ACAD11: variants seen among roughly 807,000 people sequenced by gnomAD.
The protein encoded by ACAD11 is acyl-CoA dehydrogenase family member 11.
ACAD11 carries 83 observed loss-of-function variants against 102.2 expected under a neutral mutation model. The observed-to-expected ratio is 0.81, with a 90% CI of 0.68 to 0.97. The LOEUF (loss-of-function observed/expected upper bound fraction) is 0.97. Among genes scored for constraint, ACAD11 ranks in the 50% least tolerant of loss-of-function variants. The probability of loss-of-function intolerance (pLI) is 0.00; values close to 1 mark genes in which losing one functional copy is unlikely to be tolerated. For synonymous variants in ACAD11, 324 were observed against 319.8 expected (o/e 1.01, Z -0.14); for missense variants, 901 against 951.7 (o/e 0.95, Z 0.70).
chr3:132,611,444 G>A (rs911522345), intron 11 of ACAD11, among the ~76,000 whole-genome samples: 1 of 152,156 alleles, frequency 6.6e-6, no homozygotes, highest in Non-Finnish European at 1.5e-5. Context: ...GTTCCTGTTT[G>A]CAGATGACAT....
chr3:132,651,830 AC>A (rs536897544), intron 1 of ACAD11, among the ~76,000 whole-genome samples: 90 of 152,318 alleles, frequency 5.9e-4, no homozygotes, highest in African/African-American at 1.1e-3. Context: ...CTCATTTGGA[AC>A]AGGTATATTT....
At chr3:132,641,894 A>G in intron 4 of ACAD11, 78 bp downstream of exon 4, 1 of 1,338,920 alleles carries the variant, frequency 7.5e-7, no homozygotes, top group Non-Finnish European at 1.0e-6. Context: ...CTATACAATA[A>G]TAGCTTTTTT....
chr3:132,639,407 C>T (rs1034290798), intron 5 of ACAD11, 85 bp downstream of exon 5: 1 of 1,369,124 alleles, frequency 7.3e-7, no homozygotes, highest in African/African-American at 1.5e-5. Flanking sequence ...GGTTGGGCTC[C>T]CTCAGTGCTC....
intron 17 of ACAD11, among the ~76,000 whole-genome samples, chr3:132,563,661 G>C (rs113933070): frequency 6.6e-5 from 10 of 152,206 alleles, no homozygotes; most frequent in African/African-American, 2.4e-4. Flanking sequence ...AGTTCTGGGA[G>C]GGTTGTTTCG....
At chr3:132,625,196 A>C (rs183278848) in intron 9 of ACAD11, among the ~76,000 whole-genome samples, 19 of 152,274 alleles carry the variant, frequency 1.2e-4, no homozygotes, top group African/African-American at 3.4e-4. Flanking sequence ...CACTTGTGCT[A>C]CAGACTTCTT....
At chr3:132,656,402 A>G (rs1238844376) in intron 1 of ACAD11, among the ~76,000 whole-genome samples, 2 of 152,006 alleles carry the variant, frequency 1.3e-5, no homozygotes, top group Non-Finnish European at 2.9e-5. Flanking sequence ...TTTTTACAAG[A>G]TCATGTTGAG....
chr3:132,647,150 A>T (rs1186990759), intron 1 of ACAD11: 1 of 152,220 alleles, frequency 6.6e-6, no homozygotes, highest in Non-Finnish European at 1.5e-5. Flanking sequence ...AAGTATCTAA[A>T]GTGGTTATAA....
intron 11 of ACAD11, among the ~76,000 whole-genome samples, chr3:132,605,521 C>T (rs1239685690): frequency 1.3e-5 from 2 of 152,190 alleles, no homozygotes; most frequent in Admixed American, 6.5e-5. Context: ...CTAAACCTTG[C>T]CTGCTGTATT....
intron 9 of ACAD11, among the ~76,000 whole-genome samples, chr3:132,623,044 T>C (rs930126309): frequency 6.6e-6 from 1 of 152,220 alleles, no homozygotes; most frequent in African/African-American, 2.4e-5. Context: ...CATTTTAAAT[T>C]GGCTTAAACT....
chr3:132,622,512 G>T (rs1441998280), intron 9 of ACAD11, among the ~76,000 whole-genome samples: 1 of 152,092 alleles, frequency 6.6e-6, no homozygotes, highest in Non-Finnish European at 1.5e-5. Context: ...TCTGACCACA[G>T]TTTGAAGAAA....
chr3:132,650,524 C>T (rs1413083287), intron 1 of ACAD11: 1 of 152,090 alleles, frequency 6.6e-6, no homozygotes, highest in African/African-American at 2.4e-5. Flanking sequence ...ACTTGGGCTG[C>T]TATTTCATAT....
chr3:132,653,973 T>C (rs1937649164), intron 1 of ACAD11, among the ~76,000 whole-genome samples: 2 of 152,316 alleles, frequency 1.3e-5, no homozygotes, highest in African/African-American at 4.8e-5. Flanking sequence ...CCTCAAGACA[T>C]AACCAACTGC....
intron 14 of ACAD11, chr3:132,579,205 G>T: frequency 1.3e-6 from 1 of 740,868 alleles, no homozygotes; most frequent in Non-Finnish European, 2.0e-6. Flanking sequence ...TCATTACACA[G>T]GTCTGAAAAA....
chr3:132,610,816 C>G (rs976047167), intron 11 of ACAD11, among the ~76,000 whole-genome samples: 3 of 152,146 alleles, frequency 2.0e-5, no homozygotes, highest in Non-Finnish European at 4.4e-5. Flanking sequence ...TGGTACCATT[C>G]CTTCTGAAAC....
Position 132,575,770 on chromosome 3 carries a change from A to C in ACAD11, c.2001+2T>G, listed in dbSNP as rs1937513347. The C allele has an allele frequency of 6.2e-7, 1 of 1,613,898 alleles. No homozygotes were observed. Among genetic ancestry groups the C allele is most frequent in the Admixed American group, 1.7e-5 (1 of 59,992 alleles). On this transcript the variant is annotated splice_donor_variant, in intron 17 of 19. Transcript: ENST00000264990. LOFTEE classifies it high-confidence loss of function. Reference sequence around the variant, plus strand: ...TAAATTCAAATAAGTAATCGTCCTCACATGTGCATACAACTTCTTCTTGAA... The same window carrying C: ...TAAATTCAAATAAGTAATCGTCCTCCCATGTGCATACAACTTCTTCTTGAA...
intron 13 of ACAD11, among the ~76,000 whole-genome samples, chr3:132,596,402 C>A (rs763783890): frequency 1.3e-5 from 2 of 152,094 alleles, no homozygotes; most frequent in Non-Finnish European, 2.9e-5. Context: ...AACAAACTTG[C>A]ATGTGTACCC....
At position 132,603,306 on chromosome 3, in the gene ACAD11, T is replaced by C; in HGVS notation, c.1544A>G (p.Asp515Gly). Reference protein sequence around the residue: ...CMTEPDVASSDATNIECSIQR... With the variant: ...CMTEPDVASSGATNIECSIQR... ...GATGCTGCATTCAATATTCGTGGCA[T>C]CACTTGAAGCTACATCAGGTTCTAT... Residue 515 changes from aspartate (D) to glycine (G), a missense_variant, in exon 13 of 20, where the codon GAT becomes GGT. Coordinates refer to ENST00000264990, the MANE Select transcript of ACAD11 (RefSeq NM_032169.5). 1 of 1,614,022 alleles carries C rather than the reference T, an allele frequency of 6.2e-7. No individual in the cohort carries two copies. The highest frequency in any genetic ancestry group is 8.5e-7 in the Non-Finnish European group (1 of 1,179,906).
At chr3:132,639,796 A>G in intron 4 of ACAD11, 140 bp from the exon 5 acceptor site, 1 of 718,036 alleles carries the variant, frequency 1.4e-6, no homozygotes, top group Non-Finnish European at 2.3e-6. Context: ...CTGTCATCCT[A>G]AAACACTCAA....
chr3:132,658,929 A>G (rs1454824118), intron 1 of ACAD11, among the ~76,000 whole-genome samples: 1 of 152,244 alleles, frequency 6.6e-6, no homozygotes, highest in Non-Finnish European at 1.5e-5. Context: ...ACTCCCAGAC[A>G]GCAAGTGACA....
Sources: allele counts gnomAD v4.1 joint callset (sites outside exome capture counted in the v4.1 genomes callset), GRCh38; gene constraint gnomAD v4.1.1; transcripts MANE v1.5; gene names NCBI Gene and HGNC (gene_info 2026-07-23, HGNC 2026-07-21).